Variants in RFTN1 observed in about 807,000 individuals in gnomAD.
The protein encoded by RFTN1 is raftlin.
Under a neutral mutation model 46.5 loss-of-function variants are expected in RFTN1, and 26 were observed. That is an observed-to-expected ratio of 0.56 (90% CI 0.41 to 0.78). RFTN1 has a LOEUF of 0.78. Among genes scored for constraint, RFTN1 ranks in the 30% least tolerant of loss-of-function variants. RFTN1 has a pLI of 0.00. For synonymous variants in RFTN1, 261 were observed against 284.2 expected, an observed-to-expected ratio of 0.92 and a Z score of 0.82; for missense variants, 693 against 718.7, an observed-to-expected ratio of 0.96 and a Z score of 0.41.
chr3:16,414,236 CAAT>C (rs2075028873), intron 3 of RFTN1, among the ~76,000 whole-genome samples: 1 of 140,892 alleles, frequency 7.1e-6, no homozygotes, highest in South Asian at 2.2e-4. Flanking sequence ...AGGAGAAAGA[CAAT>C]AAGCAATAGA....
chr3:16,398,115 C>T (rs372554688), intron 4 of RFTN1, among the ~76,000 whole-genome samples: 99 of 151,966 alleles, frequency 6.5e-4, no homozygotes, highest in African/African-American at 2.1e-3. Flanking sequence ...GGCGTGGTGG[C>T]GGGCGCCTGT....
chr3:16,501,178 C>A (rs1459972352), intron 1 of RFTN1, among the ~76,000 whole-genome samples: 1 of 152,158 alleles, frequency 6.6e-6, no homozygotes, highest in Non-Finnish European at 1.5e-5. Flanking sequence ...CACAGCACAG[C>A]GCCAAATACT....
In RFTN1 at chr3:16,326,855, AGTCT is replaced by A. The variant is rs1202779357; in HGVS notation, c.1164_1167del (p.Asp389ThrfsTer5). 1 of 1,613,994 alleles carries A rather than the reference AGTCT, an allele frequency of 6.2e-7. No individual in the cohort carries two copies. On this transcript the variant is annotated frameshift_variant, in exon 8 of 10. Coordinates refer to ENST00000334133, the MANE Select transcript of RFTN1 (RefSeq NM_015150.2). LOFTEE classifies it high-confidence loss of function. ...GCCAGCGAGTTCAGCAGGGGCACGT[AGTCT>A]GTCTGCACTTCGACACCCTGGGGGA...
At chr3:16,463,274 C>T (rs533615341) in intron 2 of RFTN1, among the ~76,000 whole-genome samples, 10 of 152,322 alleles carry the variant, frequency 6.6e-5, no homozygotes, top group Non-Finnish European at 1.2e-4. Context: ...GTCTCATTCC[C>T]TCCCTCTCTG....
At chr3:16,372,866 C>T (rs772987338) in intron 5 of RFTN1, among the ~76,000 whole-genome samples, 1 of 152,154 alleles carries the variant, frequency 6.6e-6, no homozygotes, top group Admixed American at 6.5e-5. Flanking sequence ...AGTGTTGGAA[C>T]GAAGAGCCTC....
chr3:16,366,917 C>T (rs374843041), intron 6 of RFTN1, among the ~76,000 whole-genome samples: 5,785 of 118,548 alleles, frequency 0.049, 1 homozygote, highest in South Asian at 0.16. Context: ...GTTTAATGAA[C>T]GACCCAGGGA....
intron 8 of RFTN1, among the ~76,000 whole-genome samples, chr3:16,326,251 G>T (rs1234417351): frequency 6.6e-6 from 1 of 152,250 alleles, no homozygotes; most frequent in African/African-American, 2.4e-5. Flanking sequence ...GCCGCACCAA[G>T]GCCTGAAAGG....
At position 16,361,097 on chromosome 3, in the gene RFTN1, T is replaced by TC. The variant is rs1306219560; in HGVS notation, c.1031-3051dup. Among the ~76,000 whole-genome samples the TC allele has an allele frequency of 1.3e-5, 2 of 152,220 alleles. No homozygotes were observed. The highest frequency in any genetic ancestry group is 3.8e-4 in the East Asian group (2 of 5,198). ...AATGACAAAGAATTTCCTTTTTCTC[T>TC]CCTCTACAAGGCTCTTGAAGGCCTA... is the stretch of plus-strand genomic sequence containing the variant. On this transcript the variant is annotated intron_variant, in intron 6 of 9. Coordinates refer to ENST00000334133, the MANE Select transcript of RFTN1 (RefSeq NM_015150.2). This position sits in a 1 kb window ranked among gnomAD's most constrained non-coding sequence, Gnocchi z 4.3.
intron 4 of RFTN1, among the ~76,000 whole-genome samples, chr3:16,379,824 C>T (rs2073922148): frequency 6.6e-6 from 1 of 152,186 alleles, no homozygotes; most frequent in Admixed American, 6.5e-5. Flanking sequence ...AAAGAAGGCA[C>T]AGCAACACAA....
At position 16,329,168 on chromosome 3, in the gene RFTN1, C is replaced by T. The variant is rs581152; in HGVS notation, c.1147-2292G>A. On this transcript the variant is annotated intron_variant, in intron 7 of 9. Transcript: ENST00000334133. This position sits in a 1 kb window ranked among gnomAD's most constrained non-coding sequence, Gnocchi z 4.5. Reference sequence around the variant, plus strand: ...CTCCTGCTCTCTCCCCTCTTTTCTGCGCTTCCGCCTCGGGATGACGCAGCA... The same window carrying T: ...CTCCTGCTCTCTCCCCTCTTTTCTGTGCTTCCGCCTCGGGATGACGCAGCA... 0.66 allele frequency among the ~76,000 whole-genome samples: 100,808 copies of T among 152,058 alleles called. 33,519 individuals carry two copies. Among genetic ancestry groups the T allele is most frequent in the African/African-American group, 0.68 (28,399 of 41,486 alleles).
chr3:16,401,306 G>C (rs184107510), intron 4 of RFTN1, among the ~76,000 whole-genome samples: 6 of 141,596 alleles, frequency 4.2e-5, no homozygotes, highest in Admixed American at 2.8e-4. Context: ...CCTGGGCAAC[G>C]GAATGAAGCC....
At position 16,345,786 on chromosome 3, in the gene RFTN1, CTCTG is replaced by C. The variant is rs201934236; in HGVS notation, c.1146+12142_1146+12145del. On this transcript the variant is annotated intron_variant, in intron 7 of 9. Coordinates refer to ENST00000334133, the MANE Select transcript of RFTN1 (RefSeq NM_015150.2). The surrounding 1 kb of genome is among the most constrained non-coding windows in gnomAD (Gnocchi z 5.2). ...CATGAGCCAAAACCTTATAATAAAT[CTCTG>C]TGTGTGTGTGTGTGTGTGTGTGTGT... Among the ~76,000 whole-genome samples the C allele has an allele frequency of 1.5e-4, 12 of 81,644 alleles. No homozygotes were observed. The highest frequency in any genetic ancestry group is 4.4e-4 in the South Asian group (1 of 2,282). The allele number at this position is 81,644 out of a possible 152,430, so 53.6% of individuals were successfully genotyped here.
rs2125324769 is a variant in RFTN1 at position 16,353,630 on chromosome 3, G to C, written c.1146+4302C>G. 6.6e-6 allele frequency among the ~76,000 whole-genome samples: 1 copy of C among 152,290 alleles called. No homozygotes were observed. Among genetic ancestry groups the C allele is most frequent in the East Asian group, 1.9e-4 (1 of 5,188 alleles). ...TGTTGAGGCTCCAAGCCCTAGTTTG[G>C]CTGTATTTGGAGATGGGGCCTCTAC... On this transcript the variant is annotated intron_variant, in intron 7 of 9. Transcript: ENST00000334133. The surrounding 1 kb of genome is among the most constrained non-coding windows in gnomAD (Gnocchi z 5.4).
chr3:16,510,654 T>A (rs576019935), intron 1 of RFTN1, among the ~76,000 whole-genome samples: 1 of 152,336 alleles, frequency 6.6e-6, no homozygotes, highest in African/African-American at 2.4e-5. Context: ...TGGAATCTCA[T>A]ACTTGTATTC....
intron 1 of RFTN1, among the ~76,000 whole-genome samples, chr3:16,511,651 C>G (rs1218085975): frequency 1.3e-5 from 2 of 152,026 alleles, no homozygotes; most frequent in Non-Finnish European, 2.9e-5. Flanking sequence ...TTCAATTCTG[C>G]TGAAAAGAGA....
At chr3:16,485,168 T>C (rs1353859594) in intron 2 of RFTN1, among the ~76,000 whole-genome samples, 1 of 152,152 alleles carries the variant, frequency 6.6e-6, no homozygotes, top group East Asian at 1.9e-4. Context: ...TCGTGGATAT[T>C]CAGCTTTTTT....
chr3:16,334,814 C>G lies in RFTN1; in HGVS notation c.1147-7938G>C, dbSNP rs887456429. ...TGGCAGATATGATTAAGCTAAGGATCTTGAGATGGAGAGTTTATCCAGGAT... is the reference window on the plus strand; with the variant it reads ...TGGCAGATATGATTAAGCTAAGGATGTTGAGATGGAGAGTTTATCCAGGAT... On this transcript the variant is annotated intron_variant, in intron 7 of 9. Transcript: ENST00000334133. The surrounding 1 kb of genome is among the most constrained non-coding windows in gnomAD (Gnocchi z 4.3). Among the ~76,000 whole-genome samples the G allele has an allele frequency of 2.6e-5, 4 of 152,164 alleles. No homozygotes were observed. Among genetic ancestry groups the G allele is most frequent in the African/African-American group, 4.8e-5 (2 of 41,426 alleles).
intron 9 of RFTN1, among the ~76,000 whole-genome samples, chr3:16,319,969 T>TG (rs1265584796): frequency 2.6e-5 from 4 of 152,292 alleles, no homozygotes; most frequent in East Asian, 3.9e-4. Flanking sequence ...TGCACTGAGT[T>TG]GGGGGCCTTC....
At chr3:16,445,113 T>C (rs918597808) in intron 2 of RFTN1, among the ~76,000 whole-genome samples, 2 of 152,224 alleles carry the variant, frequency 1.3e-5, no homozygotes, top group African/African-American at 4.8e-5. Flanking sequence ...CAATGTTAAG[T>C]GAGGACTTAC....
Sources: allele counts gnomAD v4.1 joint callset (sites outside exome capture counted in the v4.1 genomes callset), GRCh38; gene constraint gnomAD v4.1.1; non-coding constraint Gnocchi (gnomAD v3.1); transcripts MANE v1.5; gene names NCBI Gene and HGNC (gene_info 2026-07-23, HGNC 2026-07-21).